SNX30: variants seen among roughly 807,000 people sequenced by gnomAD.
SNX30 encodes sorting nexin family member 30, also known as sorting nexin-30.
Under a neutral mutation model 46.4 loss-of-function variants are expected in SNX30, and 24 were observed. The ratio of observed to expected loss-of-function variants is 0.52; its 90% CI spans 0.37 to 0.73. The LOEUF (loss-of-function observed/expected upper bound fraction) is 0.73, where lower values mean the gene tolerates loss of function less well. SNX30 is among the 30% of genes least tolerant of loss of function. The pLI is 0.00. For missense variants in SNX30, 533 were observed against 555.7 expected (o/e 0.96, Z 0.41); for synonymous variants, 189 against 211.5 (o/e 0.89, Z 0.92).
chr9:112,750,924 G>T lies in SNX30; in HGVS notation c.-78G>T, dbSNP rs1474678253. 3 of 1,148,972 alleles carry T rather than the reference G, an allele frequency of 2.6e-6. No individual in the cohort carries two copies. Among genetic ancestry groups the T allele is most frequent in the Admixed American group, 4.8e-5 (1 of 20,948 alleles). The allele number at this position is 1,148,972 out of a possible 1,614,324, so 71.2% of individuals were successfully genotyped here. A position where few individuals can be genotyped will look rare whatever the true frequency, so the allele number is the denominator to read the frequency against. ...GTTAAGCGGCGGCCGAGCGGGGCTC[G>T]GCCCGGGGTGCTCGGGGAGCTCGCC... On this transcript the variant is annotated 5_prime_UTR_variant, in exon 1 of 9. Transcript: ENST00000374232.
downstream of SNX30, chr9:112,877,047 A>G (rs1305650090): frequency 6.6e-6 from 1 of 152,102 alleles, no homozygotes; most frequent in Non-Finnish European, 1.5e-5. Context: ...GTGAGACACC[A>G]ATTGTTGAGC....
chr9:112,817,651 A>T (rs1840421430), intron 2 of SNX30, 54 bp from the exon 3 acceptor site: 11 of 1,067,280 alleles, frequency 1.0e-5, no homozygotes, highest in Non-Finnish European at 1.5e-5. Context: ...CCTTCCCTTC[A>T]GCCAAGATAT....
intron 8 of SNX30, among the ~76,000 whole-genome samples, chr9:112,865,624 C>CATATATGTATAT (rs1841312945): frequency 1.3e-5 from 1 of 79,020 alleles, no homozygotes; most frequent in Non-Finnish European, 2.4e-5. Flanking sequence ...CCTGTCACGC[C>CATATATGTATAT]ATATATATAT....
At chr9:112,842,901 G>A (rs191537630) in intron 6 of SNX30, among the ~76,000 whole-genome samples, 1 of 152,374 alleles carries the variant, frequency 6.6e-6, no homozygotes, top group African/African-American at 2.4e-5. Flanking sequence ...AAGGATATGT[G>A]TGCGGGGACA....
chr9:112,786,551 A>G (rs888083779), intron 1 of SNX30, among the ~76,000 whole-genome samples: 2 of 151,834 alleles, frequency 1.3e-5, no homozygotes, highest in African/African-American at 2.4e-5. Context: ...CTAGTAGTGC[A>G]TGGCCCTTGT....
At chr9:112,879,454 A>G (rs1230253318), downstream of SNX30, 1 of 294,052 alleles carries the variant, frequency 3.4e-6, no homozygotes, top group Non-Finnish European at 6.4e-6. Flanking sequence ...GAAGCCCCTC[A>G]CAGGGCCTGG....
intron 1 of SNX30, among the ~76,000 whole-genome samples, chr9:112,783,526 C>T (rs1839877363): frequency 6.6e-6 from 1 of 152,118 alleles, no homozygotes; most frequent in Admixed American, 6.5e-5. Flanking sequence ...GGATTTTGTC[C>T]CTAAGTCCAT....
In SNX30 at chr9:112,868,993, C is replaced by A. The variant is rs1197667128; in HGVS notation, c.*150C>A. Reference sequence around the variant, plus strand: ...ATTTTTCCCTCCCCCACCTTTCACCCCACAGTGGTTTTCAATTAGTATTTA... The same window carrying A: ...ATTTTTCCCTCCCCCACCTTTCACCACACAGTGGTTTTCAATTAGTATTTA... On this transcript the variant is annotated 3_prime_UTR_variant, in exon 9 of 9. Coordinates refer to ENST00000374232, the MANE Select transcript of SNX30 (RefSeq NM_001012994.2). 2 of 739,082 alleles carry A rather than the reference C, an allele frequency of 2.7e-6. No individual in the cohort carries two copies. Among genetic ancestry groups the A allele is most frequent in the Admixed American group, 2.3e-5 (1 of 44,198 alleles). The allele number at this position is 739,082 out of a possible 1,614,324, so 45.8% of individuals were successfully genotyped here.
chr9:112,785,633 C>G (rs953996911), intron 1 of SNX30, among the ~76,000 whole-genome samples: 1 of 152,082 alleles, frequency 6.6e-6, no homozygotes, highest in Non-Finnish European at 1.5e-5. Context: ...ATCTGCCTGC[C>G]TTGGCTTTCC....
chr9:112,773,317 C>G (rs1423363427), intron 1 of SNX30, among the ~76,000 whole-genome samples: 5 of 151,994 alleles, frequency 3.3e-5, no homozygotes, highest in African/African-American at 1.2e-4. Flanking sequence ...CAATAGGGTC[C>G]AAAATCTCTT....
chr9:112,837,407 C>A (rs898662791), intron 5 of SNX30, among the ~76,000 whole-genome samples: 2 of 151,968 alleles, frequency 1.3e-5, no homozygotes, highest in Non-Finnish European at 2.9e-5. Context: ...GACCACATCT[C>A]TTGTATCAAA....
At chr9:112,868,753 C>T (rs1841400077) in intron 8 of SNX30, 31 bp from the exon 9 acceptor site, 3 of 1,613,082 alleles carry the variant, frequency 1.9e-6, no homozygotes. Flanking sequence ...AAACTCAAAG[C>T]TGATACTGTG....
intron 8 of SNX30, 78 bp downstream of exon 8, chr9:112,864,477 G>T (rs1345375488): frequency 6.4e-7 from 1 of 1,569,802 alleles, no homozygotes; most frequent in Non-Finnish European, 8.7e-7. Context: ...CCACAAGCTG[G>T]GAATCCTGCT....
At chr9:112,783,962 C>T (rs551429716) in intron 1 of SNX30, among the ~76,000 whole-genome samples, 3 of 152,300 alleles carry the variant, frequency 2.0e-5, no homozygotes, top group East Asian at 3.9e-4. Flanking sequence ...AGGACTTGCC[C>T]TCATATCCTA....
At chr9:112,760,536 T>C (rs1437771534) in intron 1 of SNX30, among the ~76,000 whole-genome samples, 1 of 151,884 alleles carries the variant, frequency 6.6e-6, no homozygotes, top group Non-Finnish European at 1.5e-5. Context: ...TTGTGAATGG[T>C]CGTGTCCTTC....
intron 1 of SNX30, among the ~76,000 whole-genome samples, chr9:112,762,857 C>T (rs890026934): frequency 6.6e-6 from 1 of 152,234 alleles, no homozygotes; most frequent in Non-Finnish European, 1.5e-5. Context: ...CGGAGGAAGC[C>T]GCTGGGAGCC....
chr9:112,826,168 A>C (rs1273423689), intron 3 of SNX30, among the ~76,000 whole-genome samples: 3 of 152,216 alleles, frequency 2.0e-5, no homozygotes, highest in Admixed American at 6.5e-5. Flanking sequence ...TCGTAACAGG[A>C]CTCATGAAGT....
chr9:112,813,137 A>G (rs1383259549), intron 2 of SNX30, among the ~76,000 whole-genome samples: 1 of 152,044 alleles, frequency 6.6e-6, no homozygotes, highest in East Asian at 1.9e-4. Flanking sequence ...CGACAGAGTG[A>G]GACTCCATCT....
At chr9:112,790,715 C>T (rs932832853) in intron 1 of SNX30, among the ~76,000 whole-genome samples, 8 of 152,178 alleles carry the variant, frequency 5.3e-5, no homozygotes, top group Non-Finnish European at 1.2e-4. Context: ...TGCAATCTAC[C>T]ATATAGTCTT....
Sources: allele counts gnomAD v4.1 joint callset (sites outside exome capture counted in the v4.1 genomes callset), GRCh38; gene constraint gnomAD v4.1.1; transcripts MANE v1.5; gene names NCBI Gene and HGNC (gene_info 2026-07-23, HGNC 2026-07-21).